Variants in SUFU observed in about 807,000 individuals in gnomAD.
SUFU encodes SUFU negative regulator of hedgehog signaling.
Under a neutral mutation model 58.9 loss-of-function variants are expected in SUFU, and 7 were observed. The ratio of observed to expected loss-of-function variants is 0.12; its 90% CI spans 0.07 to 0.22. SUFU has a LOEUF of 0.22. Ranked by LOEUF, SUFU falls within the 10% of genes least tolerant of loss-of-function variation. SUFU has a pLI of 1.00. For missense variants in SUFU, 451 were observed against 641.3 expected (o/e 0.70, Z 3.20); for synonymous variants, 232 against 254.8 (o/e 0.91, Z 0.85).
At position 102,509,216 on chromosome 10, in the gene SUFU, T is replaced by C. The variant is rs2062368650; in HGVS notation, c.230T>C (p.Val77Ala). The C allele has an allele frequency of 6.2e-7, 1 of 1,614,232 alleles. No homozygotes were observed. The highest frequency in any genetic ancestry group is 8.5e-7 in the Non-Finnish European group (1 of 1,180,042). Residue 77 changes from valine to alanine, a missense_variant, in exon 2 of 12, where the codon GTG becomes GCG. Transcript: ENST00000369902. The part of the protein sequence containing the change: ...PLDYVSMYRN[V>A]GSPSANIPEH... Reference sequence around the variant, plus strand: ...GACTATGTTAGCATGTACAGGAATGTGGGGAGCCCTTCTGCTAACATCCCC... The same window carrying C: ...GACTATGTTAGCATGTACAGGAATGCGGGGAGCCCTTCTGCTAACATCCCC...
At chr10:102,598,809 G>T (rs1039434503) in intron 7 of SUFU, among the ~76,000 whole-genome samples, 1 of 152,168 alleles carries the variant, frequency 6.6e-6, no homozygotes, top group Admixed American at 6.5e-5. Flanking sequence ...AGACTAGTAA[G>T]CTTCATCCCA....
chr10:102,597,040 A>G (rs2135880674), intron 6 of SUFU, 100 bp from the exon 7 acceptor site: 1 of 1,410,026 alleles, frequency 7.1e-7, no homozygotes, highest in Non-Finnish European at 1.0e-6. Flanking sequence ...CAGCACCACA[A>G]GGGCTCAGTA....
chr10:102,590,768 C>T (rs1475963642), intron 3 of SUFU: 1 of 152,152 alleles, frequency 6.6e-6, no homozygotes, highest in Non-Finnish European at 1.5e-5. Flanking sequence ...GGGTTAATTA[C>T]TTATTCATTC....
At chr10:102,606,420 T>C (rs2063563257) in intron 8 of SUFU, among the ~76,000 whole-genome samples, 1 of 152,172 alleles carries the variant, frequency 6.6e-6, no homozygotes, top group Non-Finnish European at 1.5e-5. Context: ...CGCATCACCT[T>C]GTGCCAGGCC....
rs547628880 is a variant in SUFU, at chr10:102,629,526, C to T, written c.1366-540C>T. Among the ~76,000 whole-genome samples, 10 of 152,344 alleles carry T rather than the reference C, an allele frequency of 6.6e-5. No homozygotes were observed. Among genetic ancestry groups the T allele is most frequent in the African/African-American group, 2.4e-4 (10 of 41,576 alleles). On this transcript the variant is annotated intron_variant, in intron 11 of 11. Coordinates refer to ENST00000369902, the MANE Select transcript of SUFU (RefSeq NM_016169.4). The surrounding 1 kb of genome is among the most constrained non-coding windows in gnomAD (Gnocchi z 4.7). ...AAACCACACTTGTCCCACTCTTCTG[C>T]TCCCACCAAGGCCGCAAGTGTGGTT... is the stretch of plus-strand genomic sequence containing the variant.
chr10:102,542,423 G>A (rs531972288), intron 2 of SUFU, among the ~76,000 whole-genome samples: 4 of 141,122 alleles, frequency 2.8e-5, no homozygotes, highest in Non-Finnish European at 3.1e-5. Context: ...GAGCCACTGC[G>A]CCCGGCCTAT....
rs147231184 is a variant in SUFU, at chr10:102,581,559, C to T, written c.455-11023C>T. On this transcript the variant is annotated intron_variant, in intron 3 of 11. Coordinates refer to ENST00000369902, the MANE Select transcript of SUFU (RefSeq NM_016169.4). Reference sequence around the variant, plus strand: ...AGGAAGCCTCCTCTGGGCCCAGCTCCGCTGCGCAGTCCACCATGGCCGCAG... The same window carrying T: ...AGGAAGCCTCCTCTGGGCCCAGCTCTGCTGCGCAGTCCACCATGGCCGCAG... 2.0e-3 allele frequency among the ~76,000 whole-genome samples: 306 copies of T among 152,292 alleles called. 1 individual carries two copies. Among genetic ancestry groups the T allele is most frequent in the African/African-American group, 6.5e-3 (270 of 41,542 alleles).
intron 9 of SUFU, 69 bp downstream of exon 9, chr10:102,615,471 G>A (rs1352840028): frequency 6.2e-7 from 1 of 1,610,982 alleles, no homozygotes; most frequent in Non-Finnish European, 8.5e-7. Context: ...GGGCACTTCA[G>A]AGCCTCCCCA....
At position 102,627,240 on chromosome 10, in the gene SUFU, G is replaced by A. The variant is rs771380823; in HGVS notation, c.1362G>A (p.Glu454=). Residue 454 remains glutamate (E), a synonymous_variant, in exon 11 of 12, where the codon GAG becomes GAA. Coordinates refer to ENST00000369902, the MANE Select transcript of SUFU (RefSeq NM_016169.4). ...LEDLEDLTSP[E]EFKLPKEYSW... is the part of the protein sequence containing the mutation. ...ATTTAGAAGATTTGACTTCTCCAGAGGAAGTAAGCTTGTTTGACTTTTCCT... is the reference window on the plus strand; with the variant it reads ...ATTTAGAAGATTTGACTTCTCCAGAAGAAGTAAGCTTGTTTGACTTTTCCT... 9 of 1,614,070 alleles carry A rather than the reference G, an allele frequency of 5.6e-6. No homozygotes were observed. The highest frequency in any genetic ancestry group is 7.6e-6 in the Non-Finnish European group (9 of 1,179,990).
chr10:102,543,207 A>G (rs2062822234), intron 2 of SUFU, among the ~76,000 whole-genome samples: 1 of 152,094 alleles, frequency 6.6e-6, no homozygotes, highest in Admixed American at 6.6e-5. Context: ...TTCCCCCACA[A>G]CCTCAGCAAC....
At chr10:102,553,228 G>A (rs944528542) in intron 3 of SUFU, among the ~76,000 whole-genome samples, 2 of 152,104 alleles carry the variant, frequency 1.3e-5, no homozygotes, top group African/African-American at 4.8e-5. Flanking sequence ...ATAGTAAATT[G>A]TTTAAATAAT....
At chr10:102,573,074 G>T in intron 3 of SUFU, 1 of 790,298 alleles carries the variant, frequency 1.3e-6, no homozygotes, top group Non-Finnish European at 2.3e-6. Context: ...GAATCGCAGT[G>T]TCTTGGGCCG....
intron 8 of SUFU, among the ~76,000 whole-genome samples, chr10:102,601,563 G>A (rs926780234): frequency 2.6e-5 from 4 of 152,172 alleles, no homozygotes; most frequent in African/African-American, 9.7e-5. Flanking sequence ...TGTTTCCTCT[G>A]AGGCTGTCAG....
rs1417012617 is a variant in SUFU at position 102,630,281 on chromosome 10, C to T, written c.*126C>T. Reference sequence around the variant, plus strand: ...AAGTGTGAGGAAGACTGCGCAGTGCCACCCCGCAGCCCAGTGGGGTGCCAT... The same window carrying T: ...AAGTGTGAGGAAGACTGCGCAGTGCTACCCCGCAGCCCAGTGGGGTGCCAT... On this transcript the variant is annotated 3_prime_UTR_variant, in exon 12 of 12. Coordinates refer to ENST00000369902, the MANE Select transcript of SUFU (RefSeq NM_016169.4). 1 of 859,780 alleles carries T rather than the reference C, an allele frequency of 1.2e-6. No individual in the cohort carries two copies. The highest frequency in any genetic ancestry group is 2.6e-5 in the East Asian group (1 of 38,226). 53.3% of individuals were successfully genotyped at this position (859,780 alleles called of 1,614,324 possible). A position where few individuals can be genotyped will look rare whatever the true frequency, so the allele number is the denominator to read the frequency against.
chr10:102,566,656 T>G (rs957495500), intron 3 of SUFU, among the ~76,000 whole-genome samples: 1 of 151,480 alleles, frequency 6.6e-6, no homozygotes, highest in African/African-American at 2.4e-5. Flanking sequence ...TCCCAGCTAC[T>G]TGGGAGGCTG....
At chr10:102,610,102 C>T (rs540702534) in intron 8 of SUFU, among the ~76,000 whole-genome samples, 4 of 152,014 alleles carry the variant, frequency 2.6e-5, no homozygotes, top group Non-Finnish European at 5.9e-5. Flanking sequence ...CCTGGCTGGG[C>T]GCGGTGACTC....
rs2063494764 is a variant in SUFU, at chr10:102,599,416, T to C, written c.911-17T>C. The C allele has an allele frequency of 6.3e-7, 1 of 1,596,972 alleles. No individual in the cohort carries two copies. ...GAGCCCACTGGGCCACTGGGCAACT[T>C]AGTGGTGTCGTTGCAGACACAGAGC... On this transcript the variant is annotated splice_polypyrimidine_tract_variant and intron_variant, in intron 7 of 11. Coordinates refer to ENST00000369902, the MANE Select transcript of SUFU (RefSeq NM_016169.4).
chr10:102,630,012 C>T (rs1467371591), intron 11 of SUFU, 54 bp from the exon 12 acceptor site: 20 of 1,518,662 alleles, frequency 1.3e-5, no homozygotes, highest in African/African-American at 8.2e-5. Context: ...GGAAAGACCA[C>T]GGTGTATTCT....
intron 2 of SUFU, among the ~76,000 whole-genome samples, chr10:102,510,436 C>T (rs1365541522): frequency 1.3e-5 from 2 of 150,880 alleles, no homozygotes; most frequent in African/African-American, 4.9e-5. Context: ...TCTTGATCTC[C>T]TGACCTCGTG....
Sources: allele counts gnomAD v4.1 joint callset (sites outside exome capture counted in the v4.1 genomes callset), GRCh38; gene constraint gnomAD v4.1.1; non-coding constraint Gnocchi (gnomAD v3.1); transcripts MANE v1.5; gene names NCBI Gene and HGNC (gene_info 2026-07-23, HGNC 2026-07-21).